DAB2IP: variants seen among roughly 807,000 people sequenced by gnomAD.
DAB2IP encodes the protein disabled homolog 2-interacting protein.
A neutral mutation model predicts 107.2 loss-of-function variants in DAB2IP; 28 were observed. That is an observed-to-expected ratio of 0.26 (90% CI 0.19 to 0.36). The LOEUF is 0.36. DAB2IP is among the 10% of genes least tolerant of loss of function. The pLI is 1.00. For synonymous variants in DAB2IP, 755 were observed against 706.4 expected (o/e 1.07, Z -1.09); for missense variants, 1,400 against 1,644.7 (o/e 0.85, Z 2.57).
chr9:121,738,095 A>C (rs891775248), intron 3 of DAB2IP, among the ~76,000 whole-genome samples: 14 of 152,170 alleles, frequency 9.2e-5, no homozygotes, highest in African/African-American at 2.9e-4. Flanking sequence ...AAGGCCAAGC[A>C]GGCAAGGTTG....
At chr9:121,777,578 C>T (rs1265157416) in intron 14 of DAB2IP, among the ~76,000 whole-genome samples, 1 of 152,252 alleles carries the variant, frequency 6.6e-6, no homozygotes, top group Non-Finnish European at 1.5e-5. Flanking sequence ...TTCGTTTCTA[C>T]TAACCAATCC....
intron 1 of DAB2IP, among the ~76,000 whole-genome samples, chr9:121,629,463 C>T (rs1831790709): frequency 6.6e-6 from 1 of 152,198 alleles, no homozygotes. Flanking sequence ...TGCTCTCATC[C>T]CCCTGAGAGG....
chr9:121,753,437 C>T (rs2118942562), intron 3 of DAB2IP, among the ~76,000 whole-genome samples: 1 of 152,330 alleles, frequency 6.6e-6, no homozygotes, highest in African/African-American at 2.4e-5. Flanking sequence ...TTCTCTTCCA[C>T]CCCAGCCTTG....
chr9:121,642,919 A>G (rs1832413438), intron 1 of DAB2IP, among the ~76,000 whole-genome samples: 1 of 150,126 alleles, frequency 6.7e-6, no homozygotes, highest in African/African-American at 2.4e-5. Context: ...AGGGTGTGAT[A>G]TTTGAGCTGA....
At chr9:121,623,715 T>C (rs1831550832) in intron 1 of DAB2IP, among the ~76,000 whole-genome samples, 1 of 151,898 alleles carries the variant, frequency 6.6e-6, no homozygotes, top group Non-Finnish European at 1.5e-5. Flanking sequence ...TGAGATGGAG[T>C]CTTGCTCTAT....
chr9:121,614,982 C>A (rs1384539099), intron 1 of DAB2IP, among the ~76,000 whole-genome samples: 1 of 152,108 alleles, frequency 6.6e-6, no homozygotes, highest in Non-Finnish European at 1.5e-5. Flanking sequence ...GATCCACGAG[C>A]CTCGGCCTCC....
rs370343273 is a variant in DAB2IP, at chr9:121,772,683, G to A, written c.2155G>A (p.Val719Ile). Residue 719 changes from valine to isoleucine, a missense_variant, in exon 12 of 16, where the codon GTC (valine) becomes ATC (isoleucine). This residue lies in a region of DAB2IP where 600 missense variants were observed against 659.1 expected (regional missense o/e 0.91). Coordinates refer to ENST00000408936, the Ensembl canonical transcript of DAB2IP. This position sits in a 1 kb window ranked among gnomAD's most constrained non-coding sequence, Gnocchi z 4.7. ...GTTTTTTGTCACAAGGTCCTCCGGG[G>A]TCCAGCCCTCACCTGCCCGCAGCTC... 3.7e-6 allele frequency: 6 copies of A among 1,613,890 alleles called. No homozygotes were observed. The highest frequency in any genetic ancestry group is 3.3e-5 in the Admixed American group (2 of 60,004).
At chr9:121,735,471 G>A (rs1187786313) in intron 3 of DAB2IP, among the ~76,000 whole-genome samples, 1 of 152,214 alleles carries the variant, frequency 6.6e-6, no homozygotes, top group Non-Finnish European at 1.5e-5. Flanking sequence ...GTAGTTGTTT[G>A]CTAAAACAGT....
chr9:121,724,587 T>C (rs1029518885), intron 3 of DAB2IP, among the ~76,000 whole-genome samples: 1 of 152,240 alleles, frequency 6.6e-6, no homozygotes, highest in Non-Finnish European at 1.5e-5. Flanking sequence ...TGTACCCTGA[T>C]GTGTCTCTGG....
chr9:121,681,843 G>T (rs1828619249), intron 2 of DAB2IP, among the ~76,000 whole-genome samples: 1 of 152,126 alleles, frequency 6.6e-6, no homozygotes. Context: ...AGTAGCCACT[G>T]AGCCTCTCCG....
chr9:121,748,455 G>A (rs2118924110), intron 3 of DAB2IP, among the ~76,000 whole-genome samples: 2 of 152,312 alleles, frequency 1.3e-5, no homozygotes, highest in Middle Eastern at 6.8e-3. Flanking sequence ...CTGTCTCTAA[G>A]CCTCAGTTTC....
intron 13 of DAB2IP, 102 bp downstream of exon 13, chr9:121,774,514 C>G: frequency 7.4e-7 from 1 of 1,344,796 alleles, no homozygotes; most frequent in Admixed American, 2.9e-5. Flanking sequence ...GTGCTGCTGT[C>G]CTTGTGAAGG....
At chr9:121,710,417 G>A (rs2118775742) in intron 3 of DAB2IP, among the ~76,000 whole-genome samples, 1 of 152,278 alleles carries the variant, frequency 6.6e-6, no homozygotes, top group South Asian at 2.1e-4. Context: ...TCATCAGGAT[G>A]TGAGGGCAGG....
chr9:121,772,820 G>A lies in DAB2IP; in HGVS notation c.2292G>A (p.Pro764=), dbSNP rs775726680. Residue 764 remains proline, a synonymous_variant, in exon 12 of 16, where the codon CCG becomes CCA. Coordinates refer to ENST00000408936, the Ensembl canonical transcript of DAB2IP. This position sits in a 1 kb window ranked among gnomAD's most constrained non-coding sequence, Gnocchi z 4.7. Reference sequence around the variant, plus strand: ...CGCTGGATGGGGAGGCAGGCTCCCCGGCGGGCCCCGACGTCCTCCCCACAG... The same window carrying A: ...CGCTGGATGGGGAGGCAGGCTCCCCAGCGGGCCCCGACGTCCTCCCCACAG... 1.9e-5 allele frequency: 31 copies of A among 1,606,804 alleles called. No homozygotes were observed. The highest frequency in any genetic ancestry group is 1.2e-4 in the Admixed American group (7 of 59,322).
chr9:121,654,971 C>G (rs984879734), intron 1 of DAB2IP, among the ~76,000 whole-genome samples: 14 of 152,174 alleles, frequency 9.2e-5, no homozygotes, highest in African/African-American at 3.4e-4. Flanking sequence ...GGGAAGGGAG[C>G]AGGGCTTTGT....
Position 121,772,985 on chromosome 9 carries a change from G to A in DAB2IP, c.2457G>A (p.Arg819=). Residue 819 remains arginine, a synonymous_variant, in exon 12 of 16, where the codon CGG becomes CGA. Transcript: ENST00000408936. This position sits in a 1 kb window ranked among gnomAD's most constrained non-coding sequence, Gnocchi z 4.7. ...GCACCTCCGAGGGCGCGCCAGGCCG[G>A]CCCCAGCTGTTGGCACCGCTCTCCT... 6.2e-7 allele frequency: 1 copy of A among 1,606,994 alleles called. No homozygotes were observed. Among genetic ancestry groups the A allele is most frequent in the East Asian group, 2.2e-5 (1 of 44,764 alleles).
chr9:121,612,664 C>A (rs1831136533), intron 1 of DAB2IP, among the ~76,000 whole-genome samples: 1 of 152,074 alleles, frequency 6.6e-6, no homozygotes, highest in Non-Finnish European at 1.5e-5. Flanking sequence ...CAGGGTCCTC[C>A]TTAGAGAGAG....
At chr9:121,615,211 G>A (rs1831226956) in intron 1 of DAB2IP, among the ~76,000 whole-genome samples, 1 of 152,174 alleles carries the variant, frequency 6.6e-6, no homozygotes, top group East Asian at 1.9e-4. Flanking sequence ...AGAAGGTTAA[G>A]AAAAGGCTGC....
Position 121,702,144 on chromosome 9 carries a change from T to A in DAB2IP, c.362+2686T>A, listed in dbSNP as rs1829820395. ...GAATCTATCTGGTTTATATGGCTGCTGAAGAGGCTTTGTTGAATGCTGTCT... is the reference window on the plus strand; with the variant it reads ...GAATCTATCTGGTTTATATGGCTGCAGAAGAGGCTTTGTTGAATGCTGTCT... On this transcript the variant is annotated intron_variant, in intron 3 of 15. Coordinates refer to ENST00000408936, the Ensembl canonical transcript of DAB2IP. The surrounding 1 kb of genome is among the most constrained non-coding windows in gnomAD (Gnocchi z 4.5). Among the ~76,000 whole-genome samples, 1 of 152,238 alleles carries A rather than the reference T, an allele frequency of 6.6e-6. No individual in the cohort carries two copies. Among genetic ancestry groups the A allele is most frequent in the Non-Finnish European group, 1.5e-5 (1 of 68,046 alleles).
Sources: gnomAD v4.1 joint callset for allele counts (sites outside exome capture counted in the v4.1 genomes callset) on GRCh38, gnomAD v4.1.1 for gene constraint, gnomAD v4.1.1 regional missense constraint, Gnocchi (gnomAD v3.1) non-coding constraint, MANE v1.5 for transcripts, NCBI Gene and HGNC (gene_info 2026-07-23, HGNC 2026-07-21) for gene names.